Variants in POU2AF2 observed in about 807,000 individuals in gnomAD.
POU2AF2 encodes POU domain class 2-associating factor 2.
the POU2AF2 span, among the ~76,000 whole-genome samples, chr11:111,260,530 AACAC>A: frequency 6.6e-6 from 1 of 152,178 alleles, no homozygotes; most frequent in African/African-American, 2.4e-5. Context: ...TTGAGAGAGA[AACAC>A]ACACACCGGG....
the POU2AF2 span, among the ~76,000 whole-genome samples, chr11:111,252,405 C>T: frequency 1.3e-5 from 2 of 152,236 alleles, no homozygotes; most frequent in South Asian, 2.1e-4. Flanking sequence ...CTAGCAAGTT[C>T]CTAGACAATG....
chr11:111,250,912 T>G, the POU2AF2 span, among the ~76,000 whole-genome samples: 1 of 152,122 alleles, frequency 6.6e-6, no homozygotes, highest in African/African-American at 2.4e-5. Flanking sequence ...AGCAAGGAGA[T>G]GAGTCTTAGG....
the POU2AF2 span, among the ~76,000 whole-genome samples, chr11:111,249,318 A>G: frequency 6.6e-6 from 1 of 152,252 alleles, no homozygotes; most frequent in Non-Finnish European, 1.5e-5. Context: ...CCTCTCCAAA[A>G]AAAAGAAGGT....
At chr11:111,264,564 GAA>G in the POU2AF2 span, among the ~76,000 whole-genome samples, 2,966 of 46,038 alleles carry the variant, frequency 0.064, 429 homozygotes, top group Middle Eastern at 0.13. Context: ...AAGAAAGAAA[GAA>G]AGAAAGAAAG....
the POU2AF2 span, chr11:111,284,374 A>C: frequency 6.3e-7 from 1 of 1,599,488 alleles, no homozygotes; most frequent in Non-Finnish European, 8.5e-7. Flanking sequence ...CTCACTTCCT[A>C]TTTGTGAGTA....
At chr11:111,257,757 T>C in the POU2AF2 span, among the ~76,000 whole-genome samples, 1 of 152,228 alleles carries the variant, frequency 6.6e-6, no homozygotes, top group Non-Finnish European at 1.5e-5. Context: ...AATAATTGGC[T>C]CCTTGTCTGC....
the POU2AF2 span, among the ~76,000 whole-genome samples, chr11:111,260,475 A>G: frequency 6.6e-6 from 1 of 152,218 alleles, no homozygotes; most frequent in African/African-American, 2.4e-5. Context: ...AGTTCTCAGT[A>G]TAATCACATG....
the POU2AF2 span, among the ~76,000 whole-genome samples, chr11:111,269,516 A>G: frequency 6.6e-6 from 1 of 152,144 alleles, no homozygotes; most frequent in East Asian, 1.9e-4. Context: ...TTGGTTCTGC[A>G]GGGTTTTTTT....
At chr11:111,260,546 A>G in the POU2AF2 span, among the ~76,000 whole-genome samples, 1 of 152,166 alleles carries the variant, frequency 6.6e-6, no homozygotes, top group African/African-American at 2.4e-5. Flanking sequence ...CACACCGGGG[A>G]GAAGATACAC....
chr11:111,265,452 A>C, the POU2AF2 span, among the ~76,000 whole-genome samples: 1 of 152,126 alleles, frequency 6.6e-6, no homozygotes, highest in Non-Finnish European at 1.5e-5. Context: ...TATCAGAGTC[A>C]GACAGACCAA....
the POU2AF2 span, among the ~76,000 whole-genome samples, chr11:111,269,580 C>CA: frequency 6.6e-6 from 1 of 151,988 alleles, no homozygotes; most frequent in Admixed American, 6.6e-5. Flanking sequence ...ATGCAGCTTG[C>CA]AAAAATAATC....
the POU2AF2 span, among the ~76,000 whole-genome samples, chr11:111,266,693 T>C: frequency 1.3e-5 from 2 of 152,192 alleles, no homozygotes; most frequent in African/African-American, 4.8e-5. Context: ...AAATAGGAAA[T>C]TTACAAATAA....
the POU2AF2 span, among the ~76,000 whole-genome samples, chr11:111,285,494 T>C: frequency 6.6e-6 from 1 of 152,194 alleles, no homozygotes; most frequent in Non-Finnish European, 1.5e-5. Context: ...CTTTCACTGC[T>C]GGTGTCAAAA....
At chr11:111,254,477 T>C in the POU2AF2 span, among the ~76,000 whole-genome samples, 3 of 152,248 alleles carry the variant, frequency 2.0e-5, no homozygotes, top group African/African-American at 7.2e-5. Context: ...TTTTCACATG[T>C]ATATCCTATT....
chr11:111,281,527 A>T, the POU2AF2 span: 1 of 1,412,352 alleles, frequency 7.1e-7, no homozygotes. Context: ...CGACCTTACA[A>T]CACTTCCAAA....
chr11:111,260,272 G>A, the POU2AF2 span, among the ~76,000 whole-genome samples: 1,676 of 152,254 alleles, frequency 0.011, 27 homozygotes, highest in African/African-American at 0.035. Flanking sequence ...GCAGCTGACA[G>A]CATGAGTAAT....
the POU2AF2 span, chr11:111,283,958 G>A: frequency 2.4e-6 from 2 of 842,288 alleles, no homozygotes; most frequent in East Asian, 4.9e-5. Context: ...TTCCATGTTA[G>A]CGTTGGAGTC....
chr11:111,256,340 G>A, the POU2AF2 span, among the ~76,000 whole-genome samples: 1 of 152,236 alleles, frequency 6.6e-6, no homozygotes, highest in South Asian at 2.1e-4. Flanking sequence ...TGGTTTTCCT[G>A]CCCTTTTTGA....
the POU2AF2 span, among the ~76,000 whole-genome samples, chr11:111,260,515 G>C: frequency 6.6e-6 from 1 of 152,160 alleles, no homozygotes; most frequent in Non-Finnish European, 1.5e-5. Flanking sequence ...TCACAAGGGG[G>C]AGTTTTGAGA....
Sources: gnomAD v4.1 joint callset for allele counts (sites outside exome capture counted in the v4.1 genomes callset) on GRCh38, gnomAD v4.1.1 for gene constraint, MANE v1.5 for transcripts, NCBI Gene and HGNC (gene_info 2026-07-23, HGNC 2026-07-21) for gene names.